The following SLIT2 variants were observed in gnomAD, a reference collection of about 807,000 sequenced individuals.
The protein encoded by SLIT2 is slit homolog 2 protein.
Under a neutral mutation model 185.7 loss-of-function variants are expected in SLIT2, and 41 were observed. The ratio of observed to expected loss-of-function variants is 0.22; its 90% CI spans 0.17 to 0.29. The LOEUF (loss-of-function observed/expected upper bound fraction) is 0.29, where lower values mean the gene tolerates loss of function less well. SLIT2 is among the 10% of genes least tolerant of loss of function. The pLI is 1.00. For missense variants in SLIT2, 1,571 were observed against 1,909.0 expected, an observed-to-expected ratio of 0.82 and a Z score of 3.30; for synonymous variants, 693 against 680.2, an observed-to-expected ratio of 1.02 and a Z score of -0.29.
intron 4 of SLIT2, among the ~76,000 whole-genome samples, chr4:20,388,865 TATA>T (rs1002190319): frequency 2.6e-4 from 36 of 140,966 alleles, no homozygotes; most frequent in African/African-American, 8.6e-4. Flanking sequence ...ATATATAAAA[TATA>T]ATATATAATA....
chr4:20,606,156 ACT>A (rs900318635), intron 33 of SLIT2, among the ~76,000 whole-genome samples: 10 of 152,166 alleles, frequency 6.6e-5, no homozygotes, highest in Non-Finnish European at 1.5e-5. Flanking sequence ...AATGTTATTA[ACT>A]CTGAAAAATT....
chr4:20,355,112 G>A (rs1446481313), intron 4 of SLIT2, among the ~76,000 whole-genome samples: 1 of 152,120 alleles, frequency 6.6e-6, no homozygotes, highest in Admixed American at 6.5e-5. Flanking sequence ...TTATGGGTTT[G>A]GAATTTTAAT....
intron 29 of SLIT2, among the ~76,000 whole-genome samples, chr4:20,570,340 A>G (rs529491503): frequency 1.3e-5 from 2 of 152,126 alleles, no homozygotes; most frequent in East Asian, 1.9e-4. Context: ...TATATTCAAC[A>G]TGCACCTTTC....
intron 11 of SLIT2, among the ~76,000 whole-genome samples, chr4:20,516,523 A>C (rs1395313532): frequency 1.3e-5 from 2 of 152,050 alleles, no homozygotes; most frequent in Admixed American, 1.3e-4. Context: ...TTCTTTTAAA[A>C]ATTTCTTTTC....
intron 4 of SLIT2, among the ~76,000 whole-genome samples, chr4:20,342,109 A>T (rs1721006046): frequency 6.6e-6 from 1 of 152,162 alleles, no homozygotes; most frequent in Non-Finnish European, 1.5e-5. Context: ...ATTAGGACAT[A>T]ATTTTTAGAA....
At chr4:20,401,743 A>T (rs73250374) in intron 4 of SLIT2, among the ~76,000 whole-genome samples, 1 of 151,880 alleles carries the variant, frequency 6.6e-6, no homozygotes, top group Non-Finnish European at 1.5e-5. Flanking sequence ...AAGTTACCTA[A>T]CCTCACGATT....
Position 20,560,817 on chromosome 4 carries a change from C to G in SLIT2, c.2726-6445C>G, listed in dbSNP as rs148787699. On this transcript the variant is annotated intron_variant, in intron 26 of 36. Transcript: ENST00000504154. ...CATGGAGATGAATGATATGTTTATT[C>G]ATTAATTAAACAAATATTATTCAAG... 1.0e-3 allele frequency among the ~76,000 whole-genome samples: 158 copies of G among 151,864 alleles called. 2 individuals carry two copies. Among genetic ancestry groups the G allele is most frequent in the African/African-American group, 3.6e-3 (148 of 41,376 alleles).
At chr4:20,344,426 C>T (rs1009609478) in intron 4 of SLIT2, among the ~76,000 whole-genome samples, 2 of 152,032 alleles carry the variant, frequency 1.3e-5, no homozygotes, top group Non-Finnish European at 2.9e-5. Context: ...TTTGATATTT[C>T]TCTCGGTCTC....
chr4:20,402,664 C>T (rs1482653745), intron 4 of SLIT2, among the ~76,000 whole-genome samples: 2 of 151,714 alleles, frequency 1.3e-5, no homozygotes, highest in African/African-American at 2.4e-5. Flanking sequence ...CTTTTGTTTC[C>T]TTTATCACAT....
At chr4:20,311,395 C>T (rs780732641) in intron 4 of SLIT2, among the ~76,000 whole-genome samples, 80 of 152,046 alleles carry the variant, frequency 5.3e-4, no homozygotes, top group Non-Finnish European at 1.1e-3. Context: ...TGTTGAATTT[C>T]TTTACATTTT....
In SLIT2 at chr4:20,595,693, A is replaced by G. The variant is rs1293897650; in HGVS notation, c.3183-4A>G. On this transcript the variant is annotated splice_region_variant and splice_polypyrimidine_tract_variant and intron_variant, in intron 30 of 36. Transcript: ENST00000504154. Reference sequence around the variant, plus strand: ...TTGAAACCATTACCTGCTTGTTCCAACAGATGTGACTGCACACCAGGGTAC... The same window carrying G: ...TTGAAACCATTACCTGCTTGTTCCAGCAGATGTGACTGCACACCAGGGTAC... 1.9e-6 allele frequency: 3 copies of G among 1,613,816 alleles called. No individual in the cohort carries two copies. The highest frequency in any genetic ancestry group is 2.2e-5 in the South Asian group (2 of 91,054).
chr4:20,606,438 T>A (rs1728800620), intron 33 of SLIT2, among the ~76,000 whole-genome samples: 2 of 151,596 alleles, frequency 1.3e-5, no homozygotes, highest in Non-Finnish European at 2.9e-5. Flanking sequence ...GCCGTAATTA[T>A]GTCACCGTAC....
Position 20,551,380 on chromosome 4 carries a change from A to AAG in SLIT2, c.2561+484_2561+485dup, listed in dbSNP as rs1227735605. 3.3e-5 allele frequency among the ~76,000 whole-genome samples: 5 copies of AAG among 152,348 alleles called. No individual in the cohort carries two copies. The South Asian group carries it at 8.3e-4, about 25-fold the overall frequency. The stretch of plus-strand genomic sequence containing the variant: ...TGGTTCGAGACTATAGTTTGGAAGT[A>AAG]AGACACAGCCAAATACTTAGATTGG... On this transcript the variant is annotated intron_variant, in intron 25 of 36. Coordinates refer to ENST00000504154, the MANE Select transcript of SLIT2 (RefSeq NM_004787.4).
In SLIT2 at chr4:20,379,332, C is replaced by T. The variant is rs373350281; in HGVS notation, c.396-88420C>T. ...AATTAATAAAGATTATTAAAAATAACGACATTTATTATAACATTTTTGAGA... is the reference window on the plus strand; with the variant it reads ...AATTAATAAAGATTATTAAAAATAATGACATTTATTATAACATTTTTGAGA... On this transcript the variant is annotated intron_variant, in intron 4 of 36. Coordinates refer to ENST00000504154, the MANE Select transcript of SLIT2 (RefSeq NM_004787.4). 8.0e-4 allele frequency among the ~76,000 whole-genome samples: 121 copies of T among 152,074 alleles called. No individual in the cohort carries two copies. The South Asian group carries it at 0.015, about 19-fold the overall frequency.
At chr4:20,296,468 A>G (rs1486657616) in intron 4 of SLIT2, among the ~76,000 whole-genome samples, 3 of 152,230 alleles carry the variant, frequency 2.0e-5, no homozygotes, top group African/African-American at 4.8e-5. Context: ...AGCAATTGGT[A>G]AAGAAGTTTC....
intron 4 of SLIT2, among the ~76,000 whole-genome samples, chr4:20,411,301 A>G (rs1727244361): frequency 6.6e-6 from 1 of 152,220 alleles, no homozygotes; most frequent in Admixed American, 6.5e-5. Context: ...AACACTTACT[A>G]TGCATCTAGC....
At chr4:20,462,106 G>T (rs978371835) in intron 4 of SLIT2, among the ~76,000 whole-genome samples, 1 of 152,068 alleles carries the variant, frequency 6.6e-6, no homozygotes. Flanking sequence ...GGCTCTGGGA[G>T]GCCTGTATCT....
rs1317678155 is a variant in SLIT2, at chr4:20,253,565, G to A, written c.-251G>A. ...GGTCTCCTTGCAGCCCTGGCCAGGC[G>A]GATTCATCCTCAGGACCTAAAGTTG... is the stretch of plus-strand genomic sequence containing the variant. On this transcript the variant is annotated 5_prime_UTR_variant, in exon 1 of 37. Coordinates refer to ENST00000504154, the MANE Select transcript of SLIT2 (RefSeq NM_004787.4). 5.4e-6 allele frequency: 3 copies of A among 556,522 alleles called. No homozygotes were observed. Among genetic ancestry groups the A allele is most frequent in the African/African-American group, 1.9e-5 (1 of 52,864 alleles). The allele number at this position is 556,522 out of a possible 1,614,324, so 34.5% of individuals were successfully genotyped here. A position where few individuals can be genotyped will look rare whatever the true frequency, so the allele number is the denominator to read the frequency against.
chr4:20,464,862 A>G (rs1714167395), intron 4 of SLIT2, among the ~76,000 whole-genome samples: 1 of 151,136 alleles, frequency 6.6e-6, no homozygotes, highest in South Asian at 2.1e-4. Context: ...CACTTTATTC[A>G]TCCTTCTGTT....
Sources: allele counts gnomAD v4.1 joint callset (sites outside exome capture counted in the v4.1 genomes callset), GRCh38; gene constraint gnomAD v4.1.1; transcripts MANE v1.5; gene names NCBI Gene and HGNC (gene_info 2026-07-23, HGNC 2026-07-21).